The following CARD6 variants were observed in gnomAD, a reference collection of about 807,000 sequenced individuals.
CARD6 encodes the protein caspase recruitment domain-containing protein 6.
In CARD6, 27 loss-of-function variants were observed where a neutral mutation model predicts 23.6. That is an observed-to-expected ratio of 1.14 (90% CI 0.84 to 1.58). The LOEUF is 1.58. CARD6 is among the 40% of genes most tolerant of loss of function. The pLI is 0.00. For missense variants in CARD6, 1,214 were observed against 1,209.9 expected (o/e 1.00, Z -0.05); for synonymous variants, 397 against 431.8 (o/e 0.92, Z 1.00).
At chr5:40,844,451 G>A (rs1470772832) in intron 2 of CARD6, among the ~76,000 whole-genome samples, 1 of 152,034 alleles carries the variant, frequency 6.6e-6, no homozygotes, top group African/African-American at 2.4e-5. Context: ...GGCTGGTCTC[G>A]AACTCCTGGG....
chr5:40,853,347 G>C lies in CARD6; in HGVS notation c.2015G>C (p.Gly672Ala). The change falls in exon 3 of 3, where the codon GGA becomes GCA. Residue 672 changes from glycine to alanine, a missense_variant. Coordinates refer to ENST00000254691, the MANE Select transcript of CARD6 (RefSeq NM_032587.4). ...ENTQRIQVSS[G>A]ENMAGTAEGE... is the part of the protein sequence containing the mutation. ...ACTCAGAGAATTCAAGTTTCCTCTG[G>C]AGAAAACATGGCTGGGACAGCTGAA... 1 of 1,614,150 alleles carries C rather than the reference G, an allele frequency of 6.2e-7. No homozygotes were observed. The highest frequency in any genetic ancestry group is 8.5e-7 in the Non-Finnish European group (1 of 1,180,012).
Position 40,843,700 on chromosome 5 carries a change from A to C in CARD6, c.832A>C (p.Ser278Arg). Residue 278 changes from serine to arginine, a missense_variant, in exon 2 of 3, where the codon AGT (serine) becomes CGT (arginine). Transcript: ENST00000254691. ...SLSLEEEQEK[S>R]IEERKKVFKD... ...TTCATTGGAGGAGGAACAGGAGAAA[A>C]GTATAGAAGGTATGGAAATATCTTG... is the stretch of plus-strand genomic sequence containing the variant. 1 of 1,538,864 alleles carries C rather than the reference A, an allele frequency of 6.5e-7. No homozygotes were observed. Among genetic ancestry groups the C allele is most frequent in the Non-Finnish European group, 8.7e-7 (1 of 1,151,120 alleles).
rs199835164 is a variant in CARD6 at position 40,852,708 on chromosome 5, G to A, written c.1376G>A (p.Arg459His). ...AAGATGCCTGTCATCTCTTTTGTGC[G>A]TCTAGGATACTGTAGCTTCTCTAAG... ...LMKMPVISFV[R>H]LGYCSFSKSR... Residue 459 changes from arginine to histidine, a missense_variant, in exon 3 of 3, where the codon CGT (arginine) becomes CAT (histidine). By Grantham distance (29) the Arg-to-His change is conservative. Transcript: ENST00000254691. The A allele has an allele frequency of 3.0e-5, 48 of 1,613,872 alleles. No homozygotes were observed. In the Admixed American group the frequency reaches 3.3e-4, roughly 11 times the overall value.
chr5:40,852,105 A>C, intron 2 of CARD6, 69 bp from the exon 3 acceptor site: 1 of 1,017,134 alleles, frequency 9.8e-7, no homozygotes, highest in South Asian at 1.6e-5. Flanking sequence ...AGACTGTCTC[A>C]AAAAAAGAAG....
Position 40,843,728 on chromosome 5 carries a change from T to C in CARD6, c.841+19T>C, listed in dbSNP as rs1300454464. ...ATAGAAGGTATGGAAATATCTTGTA[T>C]AGTTAGTTAGGCAACAACTTAATAA... On this transcript the variant is annotated intron_variant, in intron 2 of 2. Transcript: ENST00000254691. The C allele has an allele frequency of 6.8e-7, 1 of 1,464,544 alleles. No individual in the cohort carries two copies. 90.7% of individuals were successfully genotyped at this position (1,464,544 alleles called of 1,614,324 possible).
Position 40,854,444 on chromosome 5 carries a change from T to A in CARD6, c.3112T>A (p.Ter1038LysextTer8), listed in dbSNP as rs776872690. ...KAGQKRGGKH[*>K] ...AGGGCAGAAGAGGGGAGGGAAGCAT[T>A]AAAGAGCTAACTCCAGAGATCTATA... Residue 1038 changes from the stop codon to lysine (K), a stop_lost, in exon 3 of 3, where the codon TAA becomes AAA. Transcript: ENST00000254691. 9 of 1,608,658 alleles carry A rather than the reference T, an allele frequency of 5.6e-6. No individual in the cohort carries two copies. In the Admixed American group the frequency reaches 1.5e-4, roughly 27 times the overall value.
rs1746171021 is a variant in CARD6, at chr5:40,855,224, A to G, written c.*778A>G. Reference sequence around the variant, plus strand: ...AGCCACTGAGCAGATAACCCTGCTTATTTGGTGTGGTTAAATCAACTAGCT... The same window carrying G: ...AGCCACTGAGCAGATAACCCTGCTTGTTTGGTGTGGTTAAATCAACTAGCT... On this transcript the variant is annotated 3_prime_UTR_variant, in exon 3 of 3. Transcript: ENST00000254691. 6.6e-6 allele frequency: 1 copy of G among 152,362 alleles called. No homozygotes were observed. Among genetic ancestry groups the G allele is most frequent in the Non-Finnish European group, 1.5e-5 (1 of 68,044 alleles). 9.4% of individuals were successfully genotyped at this position (152,362 alleles called of 1,614,324 possible). A position where few individuals can be genotyped will look rare whatever the true frequency, so the allele number is the denominator to read the frequency against.
chr5:40,850,392 T>C lies in CARD6; in HGVS notation c.842-1782T>C, dbSNP rs558251691. Among the ~76,000 whole-genome samples, 543 of 98,814 alleles carry C rather than the reference T, an allele frequency of 5.5e-3. 5 individuals are homozygous for C. Among genetic ancestry groups the C allele is most frequent in the Middle Eastern group, 0.011 (1 of 88 alleles). 64.8% of individuals were successfully genotyped at this position (98,814 alleles called of 152,430 possible). ...TCGTGCCACTGCACTCCAGCCTGGG[T>C]GACAGAGTGACACTCCATCTCAAAA... On this transcript the variant is annotated intron_variant, in intron 2 of 2. Transcript: ENST00000254691.
chr5:40,850,109 T>C (rs1746031164), intron 2 of CARD6, among the ~76,000 whole-genome samples: 1 of 151,606 alleles, frequency 6.6e-6, no homozygotes, highest in African/African-American at 2.4e-5. Context: ...CAGCAAGAGA[T>C]AAATTTAAGA....
Position 40,854,282 on chromosome 5 carries a change from CCTT to C in CARD6, c.2953_2955del (p.Ser985del), listed in dbSNP as rs1746147320. ...TCAGTCCCAGCCCTCCCAAACTAAA[CCTT>C]CTCCATGCAAATCTACTCAGCCTAA... On this transcript the variant is annotated inframe_deletion, in exon 3 of 3. Coordinates refer to ENST00000254691, the MANE Select transcript of CARD6 (RefSeq NM_032587.4). 1.2e-6 allele frequency: 2 copies of C among 1,614,028 alleles called. No homozygotes were observed. The highest frequency in any genetic ancestry group is 8.5e-7 in the Non-Finnish European group (1 of 1,180,036).
At chr5:40,851,255 C>G (rs1354789012) in intron 2 of CARD6, among the ~76,000 whole-genome samples, 1 of 151,780 alleles carries the variant, frequency 6.6e-6, no homozygotes, top group Non-Finnish European at 1.5e-5. Context: ...TACTTGAACC[C>G]AGGAGGTGGA....
intron 2 of CARD6, among the ~76,000 whole-genome samples, chr5:40,851,233 G>T (rs1240691906): frequency 2.6e-5 from 4 of 151,946 alleles, no homozygotes; most frequent in Non-Finnish European, 5.9e-5. Flanking sequence ...GGGAGGCTGA[G>T]GCTGGGAGAA....
Position 40,852,910 on chromosome 5 carries a change from T to C in CARD6, c.1578T>C (p.Pro526=). Residue 526 remains proline (P), a synonymous_variant, in exon 3 of 3, where the codon CCT becomes CCC. Coordinates refer to ENST00000254691, the MANE Select transcript of CARD6 (RefSeq NM_032587.4). ...DRKENPFFQK[P]VALANLRGNL... ...AGGAAAACCCCTTTTTCCAAAAGCC[T>C]GTTGCTCTGGCTAATCTCCGTGGAA... 1 of 1,614,094 alleles carries C rather than the reference T, an allele frequency of 6.2e-7. No homozygotes were observed. Among genetic ancestry groups the C allele is most frequent in the African/African-American group, 1.3e-5 (1 of 75,034 alleles).
chr5:40,852,171 CAGAA>C lies in CARD6; in HGVS notation c.845_848del (p.Arg282LysfsTer11). 1 of 1,574,188 alleles carries C rather than the reference CAGAA, an allele frequency of 6.4e-7. No homozygotes were observed. The highest frequency in any genetic ancestry group is 8.7e-7 in the Non-Finnish European group (1 of 1,151,640). ...GCATTCACTATTATCTTCTCTCCTA[CAGAA>C]AGAAAAAAGGTGTTTAAAGATGTCC... On this transcript the variant is annotated splice_acceptor_variant and coding_sequence_variant, in exon 3 of 3. Coordinates refer to ENST00000254691, the MANE Select transcript of CARD6 (RefSeq NM_032587.4). LOFTEE classifies it high-confidence loss of function.
At chr5:40,850,430 A>AAAAAAAAAAC (rs1746044332) in intron 2 of CARD6, among the ~76,000 whole-genome samples, 1 of 146,810 alleles carries the variant, frequency 6.8e-6, no homozygotes, top group Non-Finnish European at 1.5e-5. Context: ...AAAAAAAAAA[A>AAAAAAAAAAC]AAAGCCAGGC....
Position 40,854,133 on chromosome 5 carries a change from A to T in CARD6, c.2801A>T (p.His934Leu). ...AATCCAGCTCTCCAAATAGGGTCCC[A>T]TCCCATGTGCAAGAGCTCTCAGTTC... ...ASNPALQIGS[H>L]PMCKSSQFKS... Residue 934 changes from histidine to leucine, a missense_variant, in exon 3 of 3, where the codon CAT (histidine) becomes CTT (leucine). Physicochemically the swap from His to Leu is moderately conservative, Grantham distance 99. Transcript: ENST00000254691. 6.2e-7 allele frequency: 1 copy of T among 1,614,186 alleles called. No homozygotes were observed. Among genetic ancestry groups the T allele is most frequent in the South Asian group, 1.1e-5 (1 of 91,082 alleles).
In CARD6 at chr5:40,852,770, T is replaced by C. The variant is rs902007038; in HGVS notation, c.1438T>C (p.Leu480=). The change falls in exon 3 of 3, where the codon TTG becomes CTG. Residue 480 remains leucine (L), a synonymous_variant. Coordinates refer to ENST00000254691, the MANE Select transcript of CARD6 (RefSeq NM_032587.4). ...ILNTLLSPAQ[L]KLHKIFLHQD... is the part of the protein sequence containing the mutation. ...CAACACACTTCTCAGCCCTGCCCAGTTGAAATTACACAAAATCTTTCTTCA... is the reference window on the plus strand; with the variant it reads ...CAACACACTTCTCAGCCCTGCCCAGCTGAAATTACACAAAATCTTTCTTCA... 4.3e-6 allele frequency: 7 copies of C among 1,614,056 alleles called. No homozygotes were observed. The highest frequency in any genetic ancestry group is 1.3e-5 in the African/African-American group (1 of 74,936).
At chr5:40,851,553 G>A (rs1174208001) in intron 2 of CARD6, among the ~76,000 whole-genome samples, 1 of 151,212 alleles carries the variant, frequency 6.6e-6, no homozygotes, top group African/African-American at 2.4e-5. Flanking sequence ...CGGGTGTAGG[G>A]GCTTATGTCT....
In CARD6 at chr5:40,843,358, A is replaced by G. The variant is rs2112167230; in HGVS notation, c.490A>G (p.Lys164Glu). 1 of 1,614,182 alleles carries G rather than the reference A, an allele frequency of 6.2e-7. No homozygotes were observed. Among genetic ancestry groups the G allele is most frequent in the South Asian group, 1.1e-5 (1 of 91,086 alleles). Residue 164 changes from lysine (K) to glutamate (E), a missense_variant, in exon 2 of 3, where the codon AAG (lysine) becomes GAG (glutamate). Physicochemically the swap from Lys to Glu is moderately conservative, Grantham distance 56 (BLOSUM62 1). Coordinates refer to ENST00000254691, the MANE Select transcript of CARD6 (RefSeq NM_032587.4). ...SYRETALSARKNEKEYDTPEV... is the reference protein window; with the variant it reads ...SYRETALSARENEKEYDTPEV... ...TAGGGAAACAGCTTTGTCTGCCAGGAAGAATGAGAAGGAATATGACACACC... is the reference window on the plus strand; with the variant it reads ...TAGGGAAACAGCTTTGTCTGCCAGGGAGAATGAGAAGGAATATGACACACC...
Sources: allele counts gnomAD v4.1 joint callset (sites outside exome capture counted in the v4.1 genomes callset), GRCh38; gene constraint gnomAD v4.1.1; transcripts MANE v1.5; gene names NCBI Gene and HGNC (gene_info 2026-07-23, HGNC 2026-07-21).